The following POTEJ variants were observed in gnomAD, a reference collection of about 807,000 sequenced individuals.
POTEJ encodes the protein POTE ankyrin domain family member J, also known as POTE ankyrin domain family, member J.
In POTEJ, 11 loss-of-function variants were observed where a neutral mutation model predicts 69.0. That is an observed-to-expected ratio of 0.16 (90% CI 0.10 to 0.26). The LOEUF (loss-of-function observed/expected upper bound fraction) is 0.26, where lower values mean the gene tolerates loss of function less well. POTEJ is among the 10% of genes least tolerant of loss of function. POTEJ has a pLI of 1.00. For missense variants in POTEJ, 327 were observed against 1,045.5 expected, an observed-to-expected ratio of 0.31 and a Z score of 9.48; for synonymous variants, 117 against 381.1, an observed-to-expected ratio of 0.31 and a Z score of 8.07.
rs1298311863 is a variant in POTEJ at position 130,656,784 on chromosome 2, A to G, written c.2024A>G (p.Asn675Ser). 6.2e-7 allele frequency: 1 copy of G among 1,610,046 alleles called. No individual in the cohort carries two copies. The highest frequency in any genetic ancestry group is 2.2e-5 in the East Asian group (1 of 44,894). ...DDDTAVLVID[N>S]GSGMCKAGFA... ...GATACCGCTGTGCTCGTCATTGACAACGGCTCTGGCATGTGCAAGGCCGGC... is the reference window on the plus strand; with the variant it reads ...GATACCGCTGTGCTCGTCATTGACAGCGGCTCTGGCATGTGCAAGGCCGGC... The change falls in exon 15 of 15, where the codon AAC (asparagine) becomes AGC (serine). Residue 675 changes from asparagine to serine, a missense_variant. Coordinates refer to ENST00000409602, the MANE Select transcript of POTEJ (RefSeq NM_001277083.2).
chr2:130,637,617 G>T (rs1312215061), intron 9 of POTEJ, among the ~76,000 whole-genome samples: 1 of 152,250 alleles, frequency 6.6e-6, no homozygotes, highest in Non-Finnish European at 1.5e-5. Context: ...GTCATGTAAG[G>T]TGGTCTGTGA....
In POTEJ at chr2:130,648,824, G is replaced by A. The variant is rs1426752929; in HGVS notation, c.1667+2514G>A. Among the ~76,000 whole-genome samples the A allele has an allele frequency of 2.5e-4, 12 of 47,416 alleles. No individual in the cohort carries two copies. The East Asian group carries it at 3.5e-3, about 14-fold the overall frequency. 31.1% of individuals were successfully genotyped at this position (47,416 alleles called of 152,430 possible). ...TTTTTTTTTTTTAAGACAGAGTCTC[G>A]CTTTGTCCCCCAGGCTGGAGTTCAG... is the stretch of plus-strand genomic sequence containing the variant. On this transcript the variant is annotated intron_variant, in intron 13 of 14. Transcript: ENST00000409602.
At chr2:130,640,716 T>C (rs1329690296) in intron 10 of POTEJ, among the ~76,000 whole-genome samples, 1 of 152,094 alleles carries the variant, frequency 6.6e-6, no homozygotes, top group African/African-American at 2.4e-5. Context: ...ATTGGCTGGG[T>C]CATACCACAT....
Position 130,631,831 on chromosome 2 carries a change from T to A in POTEJ, c.1131+378T>A, listed in dbSNP as rs1685911092. The stretch of plus-strand genomic sequence containing the variant: ...TAGATAATTGTATGGCTATTCAATG[T>A]GAAATTTGGGGAGCATCTCATTTTC... On this transcript the variant is annotated intron_variant, in intron 8 of 14. Coordinates refer to ENST00000409602, the MANE Select transcript of POTEJ (RefSeq NM_001277083.2). Among the ~76,000 whole-genome samples the A allele has an allele frequency of 2.1e-5, 3 of 143,036 alleles. No individual in the cohort carries two copies. The South Asian group carries it at 6.3e-4, about 30-fold the overall frequency. 93.8% of individuals were successfully genotyped at this position (143,036 alleles called of 152,430 possible).
intron 10 of POTEJ, among the ~76,000 whole-genome samples, chr2:130,643,518 T>A (rs184389771): frequency 0.091 from 11,216 of 123,734 alleles, 2,309 homozygotes; most frequent in African/African-American, 0.31. Context: ...CCTGACTCAT[T>A]AAAAAAAAAA....
At chr2:130,615,606 G>A (rs1215050691) in intron 1 of POTEJ, among the ~76,000 whole-genome samples, 3 of 141,136 alleles carry the variant, frequency 2.1e-5, no homozygotes, top group African/African-American at 8.7e-5. Context: ...GCCTATCAGA[G>A]GGTGGAGGGT....
chr2:130,631,160 G>C (rs1193202259), intron 7 of POTEJ, among the ~76,000 whole-genome samples: 1 of 148,710 alleles, frequency 6.7e-6, no homozygotes, highest in Non-Finnish European at 1.5e-5. Context: ...TTGGGCTAAG[G>C]TGAATTATTT....
At chr2:130,639,127 T>C (rs1353378537) in intron 10 of POTEJ, among the ~76,000 whole-genome samples, 1 of 152,304 alleles carries the variant, frequency 6.6e-6, no homozygotes, top group Non-Finnish European at 1.5e-5. Flanking sequence ...CCATAAGGAG[T>C]GGCTGTAAAT....
chr2:130,623,754 C>G (rs1356931616), intron 5 of POTEJ, among the ~76,000 whole-genome samples: 1 of 138,856 alleles, frequency 7.2e-6, no homozygotes, highest in East Asian at 1.9e-4. Context: ...TGTCCAAGAA[C>G]AAATAGCTGT....
At chr2:130,643,190 G>A (rs1686455372) in intron 10 of POTEJ, among the ~76,000 whole-genome samples, 1 of 145,892 alleles carries the variant, frequency 6.9e-6, no homozygotes, top group Non-Finnish European at 1.5e-5. Flanking sequence ...CTGTTTATCT[G>A]GGGAAAGACA....
intron 5 of POTEJ, 30 bp from the exon 6 acceptor site, chr2:130,624,034 T>C (rs1685616917): frequency 6.8e-7 from 1 of 1,469,266 alleles, no homozygotes; most frequent in African/African-American, 1.8e-5. Context: ...ATTAAAATAG[T>C]AATTTGGTTT....
At chr2:130,650,097 C>T (rs1481596759) in intron 13 of POTEJ, among the ~76,000 whole-genome samples, 1 of 152,266 alleles carries the variant, frequency 6.6e-6, no homozygotes, top group Non-Finnish European at 1.5e-5. Flanking sequence ...TGGGAACATA[C>T]CAGGGATGCT....
intron 5 of POTEJ, 33 bp from the exon 6 acceptor site, chr2:130,624,031 T>C: frequency 1.4e-6 from 2 of 1,474,904 alleles, no homozygotes; most frequent in Non-Finnish European, 1.8e-6. Context: ...AGTATTAAAA[T>C]AGTAATTTGG....
intron 13 of POTEJ, among the ~76,000 whole-genome samples, chr2:130,649,744 C>T (rs1252687399): frequency 7.1e-6 from 1 of 141,182 alleles, no homozygotes; most frequent in African/African-American, 2.7e-5. Flanking sequence ...TTCAGCCACA[C>T]TGAACTTGTT....
chr2:130,632,079 C>G (rs1406904550), intron 8 of POTEJ, among the ~76,000 whole-genome samples: 1 of 147,252 alleles, frequency 6.8e-6, no homozygotes, highest in Non-Finnish European at 1.5e-5. Flanking sequence ...CTAAATCTGA[C>G]TGTTTAATGT....
intron 1 of POTEJ, among the ~76,000 whole-genome samples, chr2:130,614,715 T>C (rs1292694214): frequency 4.1e-5 from 5 of 121,822 alleles, no homozygotes; most frequent in East Asian, 2.1e-4. Context: ...TTAAGGTTCA[T>C]TACTAATGCA....
At chr2:130,633,980 T>C (rs1330069792) in intron 9 of POTEJ, among the ~76,000 whole-genome samples, 1 of 151,266 alleles carries the variant, frequency 6.6e-6, no homozygotes, top group African/African-American at 2.4e-5. Flanking sequence ...TGTGTGATCA[T>C]GGCTCACTGC....
chr2:130,656,255 T>C (rs1304266474), intron 14 of POTEJ, among the ~76,000 whole-genome samples: 1 of 144,796 alleles, frequency 6.9e-6, no homozygotes, highest in Non-Finnish European at 1.5e-5. Context: ...CTGGGATTCT[T>C]AAAAATCCTC....
In POTEJ at chr2:130,647,072, T is replaced by A. The variant is rs546051237; in HGVS notation, c.1667+762T>A. Among the ~76,000 whole-genome samples, 3 of 150,668 alleles carry A rather than the reference T, an allele frequency of 2.0e-5. No homozygotes were observed. The East Asian group carries it at 5.8e-4, about 29-fold the overall frequency. On this transcript the variant is annotated intron_variant, in intron 13 of 14. Transcript: ENST00000409602. ...TATTATGTAAAAAATTTGGAGCTAG[T>A]CTAATTGCTTATCAATAGGAAATAG...
Sources: allele counts gnomAD v4.1 joint callset (sites outside exome capture counted in the v4.1 genomes callset), GRCh38; gene constraint gnomAD v4.1.1; transcripts MANE v1.5; gene names NCBI Gene and HGNC (gene_info 2026-07-23, HGNC 2026-07-21).